ANK2: variants seen among roughly 807,000 people sequenced by gnomAD.
ANK2 encodes the protein ankyrin-2.
In ANK2, 83 loss-of-function variants were observed where a neutral mutation model predicts 360.5. The ratio of observed to expected loss-of-function variants is 0.23; its 90% CI spans 0.19 to 0.28. The LOEUF (loss-of-function observed/expected upper bound fraction) is 0.28, where lower values mean the gene tolerates loss of function less well. Among genes scored for constraint, ANK2 ranks in the 10% least tolerant of loss-of-function variants. ANK2 has a pLI of 1.00. For missense variants in ANK2, 4,201 were observed against 4,795.7 expected (o/e 0.88, Z 3.66); for synonymous variants, 1,740 against 1,759.5 (o/e 0.99, Z 0.28).
intron 1 of ANK2, among the ~76,000 whole-genome samples, chr4:112,838,011 G>A (rs2061355065): frequency 1.3e-5 from 2 of 152,136 alleles, no homozygotes; most frequent in African/African-American, 4.8e-5. Context: ...AGATTTGGGA[G>A]GATCCAGGGG....
In ANK2 at chr4:113,068,360, T is replaced by C. The variant is rs550856920; in HGVS notation, c.84+18548T>C. The stretch of plus-strand genomic sequence containing the variant: ...GTTTAAATGATTTGGATACTGGAAG[T>C]CCTTGGAGGATCTTTAAGCGTATGT... On this transcript the variant is annotated intron_variant, in intron 1 of 45. Coordinates refer to ENST00000357077, the MANE Select transcript of ANK2 (RefSeq NM_001148.6). Among the ~76,000 whole-genome samples, 95 of 152,334 alleles carry C rather than the reference T, an allele frequency of 6.2e-4. 1 individual carries two copies. Among genetic ancestry groups the C allele is most frequent in the African/African-American group, 2.0e-3 (82 of 41,576 alleles).
At chr4:113,096,814 A>G (rs1212369158) in intron 1 of ANK2, among the ~76,000 whole-genome samples, 3 of 151,982 alleles carry the variant, frequency 2.0e-5, no homozygotes, top group Admixed American at 6.6e-5. Context: ...AAAACCCAGT[A>G]AGTCGATTTT....
At chr4:112,827,405 C>A in intron 1 of ANK2, 1 of 1,383,340 alleles carries the variant, frequency 7.2e-7, no homozygotes, top group Non-Finnish European at 1.0e-6. Flanking sequence ...GCTATTGGAC[C>A]AAGGAAGAAG....
At chr4:112,907,662 AT>A (rs2085710335) in intron 2 of ANK2, among the ~76,000 whole-genome samples, 1 of 152,116 alleles carries the variant, frequency 6.6e-6, no homozygotes, top group African/African-American at 2.4e-5. Flanking sequence ...TTTGAGGATA[AT>A]TTTTTTCTTT....
Position 113,193,671 on chromosome 4 carries a change from T to A in ANK2, c.187-2697T>A, listed in dbSNP as rs1328086879. Among the ~76,000 whole-genome samples, 6 of 152,312 alleles carry A rather than the reference T, an allele frequency of 3.9e-5. No homozygotes were observed. In the East Asian group the frequency reaches 1.2e-3, roughly 29 times the overall value. On this transcript the variant is annotated intron_variant, in intron 2 of 45. Coordinates refer to ENST00000357077, the MANE Select transcript of ANK2 (RefSeq NM_001148.6). ...TACATTTATGGCACGTATTTCATCTTGAGAAGAGTTCTTGGCTTGGGGGAA... is the reference window on the plus strand; with the variant it reads ...TACATTTATGGCACGTATTTCATCTAGAGAAGAGTTCTTGGCTTGGGGGAA...
In ANK2 at chr4:113,271,451, C is replaced by T. The variant is rs189675179; in HGVS notation, c.1486-3001C>T. On this transcript the variant is annotated intron_variant, in intron 14 of 45. Transcript: ENST00000357077. The stretch of plus-strand genomic sequence containing the variant: ...GCTATTTTACCTCTTGATTTCTCAC[C>T]GCACGCATGCGTGCACATGCACGCA... Among the ~76,000 whole-genome samples the T allele has an allele frequency of 1.0e-3, 150 of 145,074 alleles. 2 individuals are homozygous for T. The highest frequency in any genetic ancestry group is 4.7e-4 in the African/African-American group (18 of 37,950).
chr4:113,057,705 C>G (rs1184636602), intron 1 of ANK2, among the ~76,000 whole-genome samples: 1 of 151,910 alleles, frequency 6.6e-6, no homozygotes. Flanking sequence ...AATAAGTAAG[C>G]CTCCAAATTA....
At position 113,348,272 on chromosome 4, in the gene ANK2, A is replaced by G. The variant is rs2095102932; in HGVS notation, c.4372-4A>G. On this transcript the variant is annotated splice_region_variant and splice_polypyrimidine_tract_variant and intron_variant, in intron 35 of 45. Transcript: ENST00000357077. ...CATCTTGCATGGCATCTTGGGGCGG[A>G]AAGGAATCAGAGTCAGATCAAGAAC... 6.2e-7 allele frequency: 1 copy of G among 1,613,276 alleles called. No homozygotes were observed. Among genetic ancestry groups the G allele is most frequent in the African/African-American group, 1.3e-5 (1 of 74,954 alleles).
intron 9 of ANK2, among the ~76,000 whole-genome samples, chr4:113,243,596 T>C (rs924002830): frequency 6.6e-6 from 1 of 152,180 alleles, no homozygotes; most frequent in Non-Finnish European, 1.5e-5. Context: ...CAGAGTTTTA[T>C]ATGGTTTCTA....
intron 2 of ANK2, among the ~76,000 whole-genome samples, chr4:113,009,351 G>A (rs1418519156): frequency 6.6e-6 from 1 of 152,070 alleles, no homozygotes; most frequent in African/African-American, 2.4e-5. Context: ...AATTTTATGT[G>A]TTCTCTATAT....
chr4:112,810,151 ATATATATATTTTT>A, the ANK2 span, among the ~76,000 whole-genome samples: 3 of 26,302 alleles, frequency 1.1e-4, no homozygotes, highest in East Asian at 2.2e-3. Flanking sequence ...ATATATATAT[ATATATATATTTTT>A]TTTTTTTTTT....
chr4:113,109,213 A>T (rs562193089), intron 1 of ANK2, among the ~76,000 whole-genome samples: 2 of 152,322 alleles, frequency 1.3e-5, no homozygotes, highest in South Asian at 4.1e-4. Flanking sequence ...TTGGGGAACC[A>T]TAACTGCTTT....
chr4:112,845,623 T>A (rs1350670156), intron 1 of ANK2, among the ~76,000 whole-genome samples: 1 of 152,158 alleles, frequency 6.6e-6, no homozygotes, highest in Non-Finnish European at 1.5e-5. Context: ...ACTGCAGGGA[T>A]GTGATAGATG....
intron 8 of ANK2, 66 bp from the exon 9 acceptor site, chr4:113,242,045 C>T: frequency 3.8e-6 from 5 of 1,303,434 alleles, no homozygotes; most frequent in Non-Finnish European, 5.6e-6. Flanking sequence ...TGGCCTTTAA[C>T]ACAAAGGCAT....
chr4:113,162,108 A>G (rs1242316597), intron 1 of ANK2, among the ~76,000 whole-genome samples: 3 of 152,136 alleles, frequency 2.0e-5, no homozygotes, highest in Non-Finnish European at 4.4e-5. Flanking sequence ...ATTGATCTTT[A>G]TTGAAAGTGT....
At chr4:112,944,254 G>A (rs1450933666) in intron 2 of ANK2, among the ~76,000 whole-genome samples, 2 of 151,968 alleles carry the variant, frequency 1.3e-5, no homozygotes. Flanking sequence ...CCATTCTCTT[G>A]TCTATTTGTT....
At chr4:113,157,724 G>A (rs948974338) in intron 1 of ANK2, among the ~76,000 whole-genome samples, 3 of 152,110 alleles carry the variant, frequency 2.0e-5, no homozygotes, top group Admixed American at 6.6e-5. Flanking sequence ...CCTATATGTC[G>A]GTCAACAGTG....
intron 1 of ANK2, among the ~76,000 whole-genome samples, chr4:113,149,429 AG>A (rs779681061): frequency 1.3e-5 from 2 of 152,144 alleles, no homozygotes; most frequent in Non-Finnish European, 2.9e-5. Context: ...CTTCCGTAAA[AG>A]TTTTATAAAA....
chr4:112,724,091 G>C, the ANK2 span, among the ~76,000 whole-genome samples: 1 of 147,250 alleles, frequency 6.8e-6, no homozygotes. Flanking sequence ...TGGAGACAGA[G>C]TGTCGCTCTG....
Sources: allele counts gnomAD v4.1 joint callset (sites outside exome capture counted in the v4.1 genomes callset), GRCh38; gene constraint gnomAD v4.1.1; transcripts MANE v1.5; gene names NCBI Gene and HGNC (gene_info 2026-07-23, HGNC 2026-07-21).